Variants in TRPC4AP observed in about 807,000 individuals in gnomAD.
TRPC4AP encodes transient receptor potential cation channel subfamily C member 4 associated protein.
TRPC4AP carries 45 observed loss-of-function variants against 99.0 expected under a neutral mutation model. The observed-to-expected ratio is 0.45, with a 90% CI of 0.36 to 0.58. The LOEUF (loss-of-function observed/expected upper bound fraction) is 0.58. Among genes scored for constraint, TRPC4AP ranks in the 20% least tolerant of loss-of-function variants. TRPC4AP has a pLI of 0.00. For missense variants in TRPC4AP, 879 were observed against 985.3 expected (o/e 0.89, Z 1.44); for synonymous variants, 408 against 385.8 (o/e 1.06, Z -0.67).
At chr20:35,055,090 T>C (rs568647979) in intron 4 of TRPC4AP, 59 bp from the exon 5 acceptor site, 3 of 1,479,882 alleles carry the variant, frequency 2.0e-6, no homozygotes, top group South Asian at 2.3e-5. Context: ...GTACAACAGT[T>C]ACCACATTTT....
At chr20:35,062,812 A>G (rs1235999050) in intron 3 of TRPC4AP, among the ~76,000 whole-genome samples, 1 of 152,238 alleles carries the variant, frequency 6.6e-6, no homozygotes, top group Non-Finnish European at 1.5e-5. Context: ...AAACTGAATT[A>G]TATCTTTTAA....
chr20:35,024,854 A>AAAAAAAAAAAAAAACAT lies in TRPC4AP; in HGVS notation c.1052-3499_1052-3498insATGTTTTTTTTTTTTTT, dbSNP rs1479270980. On this transcript the variant is annotated intron_variant, in intron 8 of 18. Coordinates refer to ENST00000252015, the MANE Select transcript of TRPC4AP (RefSeq NM_015638.3). Reference sequence around the variant, plus strand: ...AAAAAAAAAAAAAAAAAAAAAAAAAAATTCTGTTTATTCATTAATCAGGTG... The same window carrying AAAAAAAAAAAAAAACAT: ...AAAAAAAAAAAAAAAAAAAAAAAAAAAAAAAAAAAAAAAACATATTCTGTTTATTCATTAATCAGGTG... Among the ~76,000 whole-genome samples the AAAAAAAAAAAAAAACAT allele has an allele frequency of 2.6e-3, 230 of 89,436 alleles. 59 individuals carry two copies. Among genetic ancestry groups the AAAAAAAAAAAAAAACAT allele is most frequent in the Middle Eastern group, 0.011 (2 of 184 alleles). The allele number at this position is 89,436 out of a possible 152,430, so 58.7% of individuals were successfully genotyped here.
Position 35,012,989 on chromosome 20 carries a change from G to A in TRPC4AP, c.1409+19C>T, listed in dbSNP as rs1317873489. On this transcript the variant is annotated intron_variant, in intron 11 of 18. Transcript: ENST00000252015. ...AGACAGCCCAACAACTCTCCTTGCA[G>A]GGACACTCTTGTACTTACTCGTGGT... 6.2e-7 allele frequency: 1 copy of A among 1,613,760 alleles called. No individual in the cohort carries two copies. Among genetic ancestry groups the A allele is most frequent in the Non-Finnish European group, 8.5e-7 (1 of 1,179,838 alleles).
intron 15 of TRPC4AP, 47 bp from the exon 16 acceptor site, chr20:35,005,850 T>C: frequency 6.4e-7 from 1 of 1,559,796 alleles, no homozygotes; most frequent in Non-Finnish European, 8.8e-7. Context: ...GCTGGCCAGG[T>C]ATGGCCATGG....
intron 18 of TRPC4AP, 24 bp downstream of exon 18, chr20:35,003,386 C>G (rs374852604): frequency 6.5e-7 from 1 of 1,533,656 alleles, no homozygotes; most frequent in Non-Finnish European, 8.7e-7. Context: ...CCACCCATCA[C>G]CCCCTTGAGG....
At position 35,031,307 on chromosome 20, in the gene TRPC4AP, C is replaced by T. The variant is rs552756435; in HGVS notation, c.1051+3816G>A. ...CTGTGATTGCAGCTCACTACAGCCT[C>T]ATCCTCCTGGGTTGAGGTGATTGTC... On this transcript the variant is annotated intron_variant, in intron 8 of 18. Coordinates refer to ENST00000252015, the MANE Select transcript of TRPC4AP (RefSeq NM_015638.3). Among the ~76,000 whole-genome samples, 567 of 151,102 alleles carry T rather than the reference C, an allele frequency of 3.8e-3. 5 individuals carry two copies. Among genetic ancestry groups the T allele is most frequent in the Non-Finnish European group, 3.7e-3 (251 of 67,828 alleles).
At chr20:35,067,477 T>C (rs1191025008) in intron 3 of TRPC4AP, among the ~76,000 whole-genome samples, 6 of 152,130 alleles carry the variant, frequency 3.9e-5, no homozygotes, top group Non-Finnish European at 7.4e-5. Context: ...CAATTAAACA[T>C]AGAGTTACCC....
At chr20:35,078,840 T>A (rs1600657179) in intron 1 of TRPC4AP, among the ~76,000 whole-genome samples, 1 of 152,158 alleles carries the variant, frequency 6.6e-6, no homozygotes, top group Non-Finnish European at 1.5e-5. Context: ...CCGAGGCAGG[T>A]GGATCACCTG....
intron 1 of TRPC4AP, 37 bp downstream of exon 1, chr20:35,092,577 T>TG: frequency 1.2e-5 from 17 of 1,426,424 alleles, no homozygotes; most frequent in Non-Finnish European, 1.6e-5. Context: ...TCCCGCCTGG[T>TG]CCGCCCCGCC....
At chr20:35,009,697 T>C (rs184114179) in intron 12 of TRPC4AP, among the ~76,000 whole-genome samples, 5 of 152,298 alleles carry the variant, frequency 3.3e-5, no homozygotes, top group South Asian at 2.1e-4. Context: ...ATGGCTCTTG[T>C]TGGATAAAGT....
intron 1 of TRPC4AP, among the ~76,000 whole-genome samples, chr20:35,078,488 G>A (rs1271299133): frequency 6.6e-6 from 1 of 152,062 alleles, no homozygotes; most frequent in African/African-American, 2.4e-5. Flanking sequence ...ATTTTTACAA[G>A]AAGAATAATT....
At chr20:35,024,663 A>G (rs1466854086) in intron 8 of TRPC4AP, among the ~76,000 whole-genome samples, 1 of 151,596 alleles carries the variant, frequency 6.6e-6, no homozygotes, top group East Asian at 1.9e-4. Context: ...GTCTCTTTTT[A>G]TTACAAAAAA....
At chr20:35,073,659 C>T (rs1001107310) in intron 2 of TRPC4AP, among the ~76,000 whole-genome samples, 1 of 152,160 alleles carries the variant, frequency 6.6e-6, no homozygotes, top group Non-Finnish European at 1.5e-5. Flanking sequence ...TGATGTGCTG[C>T]TGGATTTGGT....
intron 8 of TRPC4AP, among the ~76,000 whole-genome samples, chr20:35,032,576 A>G (rs2083227132): frequency 7.1e-6 from 1 of 141,792 alleles, no homozygotes; most frequent in African/African-American, 2.7e-5. Flanking sequence ...GGTTCTCGCC[A>G]TTCTCCTGCC....
chr20:35,031,237 T>G (rs1278952322), intron 8 of TRPC4AP, among the ~76,000 whole-genome samples: 4 of 151,904 alleles, frequency 2.6e-5, no homozygotes, highest in East Asian at 1.9e-4. Context: ...TTTCAGGATT[T>G]TTTTTTTTTC....
chr20:35,061,872 G>C (rs2084018102), intron 3 of TRPC4AP, among the ~76,000 whole-genome samples: 1 of 152,142 alleles, frequency 6.6e-6, no homozygotes, highest in Non-Finnish European at 1.5e-5. Context: ...TAAAGACTTT[G>C]TGTTTCAAAG....
At chr20:35,006,241 G>A (rs1453785368) in intron 15 of TRPC4AP, among the ~76,000 whole-genome samples, 194 bp downstream of exon 15, 1 of 151,926 alleles carries the variant, frequency 6.6e-6, no homozygotes, top group Non-Finnish European at 1.5e-5. Flanking sequence ...AAGCAGCCCC[G>A]GTTTTCATCC....
intron 14 of TRPC4AP, 79 bp downstream of exon 14, chr20:35,007,471 T>C (rs538061473): frequency 6.3e-6 from 9 of 1,417,734 alleles, no homozygotes; most frequent in East Asian, 2.3e-5. Flanking sequence ...GATGAACTGT[T>C]TGGGGCTCAG....
intron 5 of TRPC4AP, among the ~76,000 whole-genome samples, chr20:35,052,261 GC>G (rs1247050922): frequency 1.3e-5 from 2 of 151,850 alleles, no homozygotes; most frequent in Admixed American, 1.3e-4. Context: ...ACCACGTCCA[GC>G]CAGTTTTTTA....
Sources: allele counts gnomAD v4.1 joint callset (sites outside exome capture counted in the v4.1 genomes callset), GRCh38; gene constraint gnomAD v4.1.1; transcripts MANE v1.5; gene names NCBI Gene and HGNC (gene_info 2026-07-23, HGNC 2026-07-21).